The following RPTOR variants were observed in gnomAD, a reference collection of about 807,000 sequenced individuals.
The protein encoded by RPTOR is regulatory-associated protein of mTOR.
In RPTOR, 21 loss-of-function variants were observed where a neutral mutation model predicts 169.9. The ratio of observed to expected loss-of-function variants is 0.12; its 90% confidence interval spans 0.09 to 0.18. The LOEUF is 0.18. Ranked by LOEUF, RPTOR falls within the 10% of genes least tolerant of loss-of-function variation. RPTOR has a pLI of 1.00. For synonymous variants in RPTOR, 732 were observed against 753.2 expected, an observed-to-expected ratio of 0.97 and a Z score of 0.46; for missense variants, 1,133 against 1,855.9, an observed-to-expected ratio of 0.61 and a Z score of 7.16.
intron 11 of RPTOR, among the ~76,000 whole-genome samples, chr17:80,854,814 G>A (rs2067835165): frequency 6.6e-6 from 1 of 152,198 alleles, no homozygotes; most frequent in African/African-American, 2.4e-5. Context: ...GATCACTTGA[G>A]TCCAGGAGGT....
intron 20 of RPTOR, among the ~76,000 whole-genome samples, chr17:80,897,797 G>A (rs1250020471): frequency 6.6e-6 from 1 of 152,184 alleles, no homozygotes; most frequent in African/African-American, 2.4e-5. Context: ...GGAGGCTGAG[G>A]CAGGAGAGTT....
intron 2 of RPTOR, among the ~76,000 whole-genome samples, chr17:80,630,320 T>C (rs1034544428): frequency 6.6e-5 from 10 of 152,248 alleles, no homozygotes; most frequent in African/African-American, 2.4e-4. Flanking sequence ...TAGTAAGTAG[T>C]TAACTGGGGT....
intron 1 of RPTOR, among the ~76,000 whole-genome samples, chr17:80,582,874 T>A (rs1177206157): frequency 6.6e-6 from 1 of 151,632 alleles, no homozygotes; most frequent in Non-Finnish European, 1.5e-5. Flanking sequence ...ATTAGAAAAA[T>A]TTTTCACAAT....
At chr17:80,816,776 G>A (rs1421759883) in intron 7 of RPTOR, among the ~76,000 whole-genome samples, 1 of 152,204 alleles carries the variant, frequency 6.6e-6, no homozygotes, top group Non-Finnish European at 1.5e-5. Flanking sequence ...GAGCCTACGG[G>A]GGCCAAGGAG....
chr17:80,892,443 T>A (rs1010653323), intron 18 of RPTOR, among the ~76,000 whole-genome samples: 3 of 152,222 alleles, frequency 2.0e-5, no homozygotes, highest in African/African-American at 7.2e-5. Flanking sequence ...CACGTCACCA[T>A]GCACCTCGTG....
intron 20 of RPTOR, among the ~76,000 whole-genome samples, chr17:80,900,692 G>T (rs2068465702): frequency 6.6e-6 from 1 of 152,210 alleles, no homozygotes; most frequent in African/African-American, 2.4e-5. Context: ...CAAGGGCCTG[G>T]TGGCCCCGCC....
At chr17:80,788,594 C>G (rs1479844305) in intron 6 of RPTOR, among the ~76,000 whole-genome samples, 1 of 152,156 alleles carries the variant, frequency 6.6e-6, no homozygotes, top group Non-Finnish European at 1.5e-5. Context: ...TGAATGTGAT[C>G]TACTCTTTGT....
chr17:80,580,482 T>A lies in RPTOR; in HGVS notation c.162+34691T>A, dbSNP rs537664117. ...GCAATTAAGTAGACGCTTGACCGTT[T>A]CATTGTTTTAATTATACTTTTCGAT... On this transcript the variant is annotated intron_variant, in intron 1 of 33. Coordinates refer to ENST00000306801, the MANE Select transcript of RPTOR (RefSeq NM_020761.3). Among the ~76,000 whole-genome samples the A allele has an allele frequency of 2.0e-5, 3 of 152,350 alleles. No individual in the cohort carries two copies. In the South Asian group the frequency reaches 6.2e-4, roughly 32 times the overall value.
intron 20 of RPTOR, among the ~76,000 whole-genome samples, chr17:80,901,249 G>A (rs978461398): frequency 1.3e-5 from 2 of 152,190 alleles, no homozygotes; most frequent in Non-Finnish European, 2.9e-5. Flanking sequence ...GAAGCACACA[G>A]CAGCCTGGGG....
intron 9 of RPTOR, among the ~76,000 whole-genome samples, chr17:80,832,570 C>T (rs565420807): frequency 5.3e-5 from 8 of 152,282 alleles, no homozygotes; most frequent in East Asian, 3.9e-4. Context: ...TGGTTTCAGA[C>T]GCTCAGACGG....
rs759151909 is a variant in RPTOR at position 80,625,819 on chromosome 17, C to T, written c.265+26C>T. 19 of 1,517,656 alleles carry T rather than the reference C, an allele frequency of 1.3e-5. No homozygotes were observed. In the Admixed American group the frequency reaches 3.0e-4, roughly 24 times the overall value. 94.0% of individuals were successfully genotyped at this position (1,517,656 alleles called of 1,614,324 possible). Reference sequence around the variant, plus strand: ...GTGAGTATGCCTCCCTCACGCGCTGCCACAAAGGCCGTCTGGCCGGCTCTG... The same window carrying T: ...GTGAGTATGCCTCCCTCACGCGCTGTCACAAAGGCCGTCTGGCCGGCTCTG... On this transcript the variant is annotated intron_variant, in intron 2 of 33. Coordinates refer to ENST00000306801, the MANE Select transcript of RPTOR (RefSeq NM_020761.3).
At chr17:80,667,808 G>A (rs192211504) in intron 3 of RPTOR, among the ~76,000 whole-genome samples, 22 of 152,310 alleles carry the variant, frequency 1.4e-4, no homozygotes, top group African/African-American at 5.1e-4. Flanking sequence ...GAAATGAGTG[G>A]TGTAATTGTG....
At chr17:80,771,316 C>T (rs935092577) in intron 6 of RPTOR, among the ~76,000 whole-genome samples, 3 of 152,230 alleles carry the variant, frequency 2.0e-5, no homozygotes, top group Admixed American at 2.0e-4. Flanking sequence ...ATCCCTCCTT[C>T]CTCACGCTCT....
chr17:80,635,977 A>G (rs370983876), intron 2 of RPTOR, among the ~76,000 whole-genome samples: 18 of 152,290 alleles, frequency 1.2e-4, no homozygotes, highest in African/African-American at 4.3e-4. Context: ...CAAATTACTT[A>G]CAAACATGTT....
intron 1 of RPTOR, among the ~76,000 whole-genome samples, chr17:80,616,531 T>G (rs1366790036): frequency 6.6e-6 from 1 of 152,198 alleles, no homozygotes; most frequent in Non-Finnish European, 1.5e-5. Flanking sequence ...ACTCCTGACC[T>G]CGTGATCTGC....
At chr17:80,560,611 A>G (rs2084471304) in intron 1 of RPTOR, among the ~76,000 whole-genome samples, 1 of 151,988 alleles carries the variant, frequency 6.6e-6, no homozygotes, top group African/African-American at 2.4e-5. Context: ...AGGAACGGGG[A>G]CGTGCAGGAG....
intron 6 of RPTOR, among the ~76,000 whole-genome samples, chr17:80,767,108 C>T (rs558022497): frequency 3.9e-5 from 6 of 152,316 alleles, no homozygotes; most frequent in African/African-American, 1.2e-4. Flanking sequence ...TGCGGGGGCT[C>T]ATGCCTATAA....
intron 7 of RPTOR, among the ~76,000 whole-genome samples, chr17:80,813,226 G>A (rs571148364): frequency 2.6e-5 from 4 of 152,296 alleles, no homozygotes; most frequent in Admixed American, 6.5e-5. Flanking sequence ...GTTACAGAGC[G>A]CTGAATTGTA....
chr17:80,949,879 CCTT>C (rs1184135392), intron 28 of RPTOR, among the ~76,000 whole-genome samples: 2 of 152,256 alleles, frequency 1.3e-5, no homozygotes, highest in Admixed American at 1.3e-4. Context: ...ATCACGGGGT[CCTT>C]CTTTGGACCT....
Sources: allele counts gnomAD v4.1 joint callset (sites outside exome capture counted in the v4.1 genomes callset), GRCh38; gene constraint gnomAD v4.1.1; transcripts MANE v1.5; gene names NCBI Gene and HGNC (gene_info 2026-07-23, HGNC 2026-07-21).